ABCB1: variants seen among roughly 807,000 people sequenced by gnomAD.
ABCB1 encodes the protein ATP binding cassette subfamily B member 1.
Under a neutral mutation model 142.0 loss-of-function variants are expected in ABCB1, and 69 were observed. That is an observed-to-expected ratio of 0.49 (90% CI 0.40 to 0.59). The LOEUF (loss-of-function observed/expected upper bound fraction) is 0.59, where lower values mean the gene tolerates loss of function less well. Ranked by LOEUF, ABCB1 falls within the 20% of genes least tolerant of loss-of-function variation. ABCB1 has a pLI of 0.00. For missense variants in ABCB1, 1,326 were observed against 1,554.7 expected (o/e 0.85, Z 2.47); for synonymous variants, 532 against 539.2 (o/e 0.99, Z 0.18).
At position 87,673,702 on chromosome 7, in the gene ABCB1, A is replaced by G. The variant is rs77976438; in HGVS notation, c.-331+39459T>C. 2.3e-3 allele frequency among the ~76,000 whole-genome samples: 348 copies of G among 152,248 alleles called. 9 individuals are homozygous for G. The East Asian group carries it at 0.053, about 23-fold the overall frequency. On this transcript the variant is annotated intron_variant, in intron 1 of 28. Coordinates refer to the ABCB1 transcript ENST00000265724. The stretch of plus-strand genomic sequence containing the variant: ...CATTCGTATCCATGTTCTGAATTCT[A>G]TGTCACTCATTTCAGCCATTTCAGC...
intron 1 of ABCB1, among the ~76,000 whole-genome samples, chr7:87,630,197 A>G (rs1821073314): frequency 6.6e-6 from 1 of 152,116 alleles, no homozygotes; most frequent in Non-Finnish European, 1.5e-5. Context: ...TTTTTCCGTT[A>G]TTTTTCTTGT....
At chr7:87,626,000 G>GTA (rs1256644358) in intron 1 of ABCB1, among the ~76,000 whole-genome samples, 2 of 135,972 alleles carry the variant, frequency 1.5e-5, no homozygotes, top group South Asian at 2.3e-4. Flanking sequence ...ACATATATAT[G>GTA]TATATGTACA....
rs1406076316 is a variant in ABCB1, at chr7:87,626,276, TATATATGTGTC to T, written c.-330-25209_-330-25199del. Among the ~76,000 whole-genome samples, 10 of 66,410 alleles carry T rather than the reference TATATATGTGTC, an allele frequency of 1.5e-4. 1 individual carries two copies. Among genetic ancestry groups the T allele is most frequent in the Non-Finnish European group, 2.2e-4 (8 of 37,084 alleles). 43.6% of individuals were successfully genotyped at this position (66,410 alleles called of 152,430 possible). ...ATATATATGTGTCATATATGTGTCATATATATGTGTCATATATGTGTCATATATATGTGTCG... is the reference window on the plus strand; with the variant it reads ...ATATATATGTGTCATATATGTGTCATATATATGTGTCATATATATGTGTCG... On this transcript the variant is annotated intron_variant, in intron 1 of 28. Transcript: ENST00000265724.
At chr7:87,558,010 C>T (rs1817375899) in intron 8 of ABCB1, among the ~76,000 whole-genome samples, 1 of 152,174 alleles carries the variant, frequency 6.6e-6, no homozygotes. Context: ...GCAGAACTTG[C>T]ATGTCTCAGT....
chr7:87,625,539 C>T (rs896009216), intron 1 of ABCB1, among the ~76,000 whole-genome samples: 29 of 152,166 alleles, frequency 1.9e-4, no homozygotes, highest in African/African-American at 7.0e-4. Context: ...GATGGTTTTC[C>T]ACTCTTTTCT....
chr7:87,657,174 C>A (rs990520711), intron 1 of ABCB1, among the ~76,000 whole-genome samples: 3 of 152,094 alleles, frequency 2.0e-5, no homozygotes, highest in Non-Finnish European at 2.9e-5. Flanking sequence ...GACACTAGAA[C>A]CTTAGGAATG....
At chr7:87,658,808 A>G (rs1373683429) in intron 1 of ABCB1, among the ~76,000 whole-genome samples, 1 of 152,208 alleles carries the variant, frequency 6.6e-6, no homozygotes, top group Non-Finnish European at 1.5e-5. Context: ...CTCACAGGAA[A>G]GACAACTAAG....
rs370494305 is a variant in ABCB1 at position 87,681,484 on chromosome 7, G to A, written c.-331+31677C>T. Among the ~76,000 whole-genome samples, 17 of 150,768 alleles carry A rather than the reference G, an allele frequency of 1.1e-4. 1 individual carries two copies. The highest frequency in any genetic ancestry group is 5.9e-4 in the East Asian group (3 of 5,074). ...AAAAAATTTTTGGTTTCCCCAGTGCGTATTAAAAGTTGTATTTACACTACA... is the reference window on the plus strand; with the variant it reads ...AAAAAATTTTTGGTTTCCCCAGTGCATATTAAAAGTTGTATTTACACTACA... On this transcript the variant is annotated intron_variant, in intron 1 of 28. Coordinates refer to the ABCB1 transcript ENST00000265724.
At chr7:87,643,934 C>T (rs1220460415) in intron 1 of ABCB1, among the ~76,000 whole-genome samples, 2 of 152,144 alleles carry the variant, frequency 1.3e-5, no homozygotes, top group Non-Finnish European at 2.9e-5. Context: ...TCTCGGCTCA[C>T]TGCAACCTGT....
intron 8 of ABCB1, among the ~76,000 whole-genome samples, chr7:87,557,196 T>C (rs1265229000): frequency 9.2e-5 from 14 of 152,214 alleles, no homozygotes; most frequent in Admixed American, 9.2e-4. Flanking sequence ...CTTTCTCCAT[T>C]CCTTCCATTT....
chr7:87,640,413 C>T (rs535904221), intron 1 of ABCB1, among the ~76,000 whole-genome samples: 141 of 151,956 alleles, frequency 9.3e-4, no homozygotes, highest in African/African-American at 3.1e-3. Context: ...TGCAGTAGTG[C>T]GATCATAGCT....
chr7:87,537,289 C>T (rs1816341036), intron 19 of ABCB1, among the ~76,000 whole-genome samples: 1 of 152,200 alleles, frequency 6.6e-6, no homozygotes, highest in Non-Finnish European at 1.5e-5. Context: ...TATGGTCTTA[C>T]AGGCGACTGT....
Position 87,568,764 on chromosome 7 carries a change from ACTAT to A in ABCB1, c.338+1404_338+1407del, listed in dbSNP as rs567175586. 2.2e-3 allele frequency among the ~76,000 whole-genome samples: 333 copies of A among 152,328 alleles called. 2 individuals carry two copies. The highest frequency in any genetic ancestry group is 7.7e-3 in the African/African-American group (322 of 41,582). On this transcript the variant is annotated intron_variant, in intron 5 of 27. Transcript: ENST00000622132. The stretch of plus-strand genomic sequence containing the variant: ...TTAACAGATAACTCAATAACTAATT[ACTAT>A]CTAAGTGTTCATGATACAACAAGAG...
chr7:87,588,510 T>G (rs1401557309), intron 3 of ABCB1, among the ~76,000 whole-genome samples: 4 of 152,228 alleles, frequency 2.6e-5, no homozygotes, highest in Non-Finnish European at 5.9e-5. Flanking sequence ...AAGGACGTGA[T>G]CTCGTTTCTT....
chr7:87,702,039 A>G, intron 1 of ABCB1, among the ~76,000 whole-genome samples: 1 of 144,396 alleles, frequency 6.9e-6, no homozygotes, highest in East Asian at 2.2e-4. Context: ...GCTACTTGGG[A>G]GGCTGAGGCA....
At chr7:87,587,830 G>A (rs932502512) in intron 3 of ABCB1, among the ~76,000 whole-genome samples, 67 of 142,224 alleles carry the variant, frequency 4.7e-4, no homozygotes, top group African/African-American at 8.8e-4. Flanking sequence ...AGCCGAGATC[G>A]CACCACTGCA....
At chr7:87,712,878 C>T (rs991496387) in intron 1 of ABCB1, among the ~76,000 whole-genome samples, 1 of 151,876 alleles carries the variant, frequency 6.6e-6, no homozygotes, top group South Asian at 2.1e-4. Flanking sequence ...ACACATTTAT[C>T]GAATAATAGG....
At chr7:87,568,542 T>C (rs989165111) in intron 5 of ABCB1, among the ~76,000 whole-genome samples, 2 of 152,184 alleles carry the variant, frequency 1.3e-5, no homozygotes, top group African/African-American at 4.8e-5. Context: ...CTTACCATCT[T>C]CAAATTAAAC....
intron 1 of ABCB1, among the ~76,000 whole-genome samples, chr7:87,651,702 T>G (rs984775765): frequency 6.6e-6 from 1 of 152,134 alleles, no homozygotes; most frequent in African/African-American, 2.4e-5. Context: ...ACATAACTTA[T>G]GAGCATCTCA....
Sources: allele counts gnomAD v4.1 joint callset (sites outside exome capture counted in the v4.1 genomes callset), GRCh38; gene constraint gnomAD v4.1.1; transcripts MANE v1.5; gene names NCBI Gene and HGNC (gene_info 2026-07-23, HGNC 2026-07-21).